Variants in MEIS1 observed in about 807,000 individuals in gnomAD.
The protein encoded by MEIS1 is homeobox protein Meis1.
In MEIS1, 5 loss-of-function variants were observed where a neutral mutation model predicts 50.8. That is an observed-to-expected ratio of 0.10 (90% CI 0.05 to 0.21). MEIS1 has a LOEUF of 0.21. Among genes scored for constraint, MEIS1 ranks in the 10% least tolerant of loss-of-function variants. The pLI is 1.00. For synonymous variants in MEIS1, 176 were observed against 179.3 expected (o/e 0.98, Z 0.15); for missense variants, 318 against 517.3 (o/e 0.61, Z 3.74).
chr2:66,558,279 C>CAAAAAAAAAAAAAAAAAAAAAAACAAAAA (rs1675121641), intron 9 of MEIS1, among the ~76,000 whole-genome samples: 1 of 57,102 alleles, frequency 1.8e-5, no homozygotes, highest in Non-Finnish European at 2.9e-5. Flanking sequence ...AACTCCATCT[C>CAAAAAAAAAAAAAAAAAAAAAAACAAAAA]AAAAAAAAAA....
At chr2:66,537,489 T>C (rs1184050509) in intron 8 of MEIS1, among the ~76,000 whole-genome samples, 1 of 152,224 alleles carries the variant, frequency 6.6e-6, no homozygotes, top group Non-Finnish European at 1.5e-5. Flanking sequence ...TGGGTACCAG[T>C]TCCAGGGGTC....
chr2:66,513,571 A>G, intron 8 of MEIS1, among the ~76,000 whole-genome samples: 1 of 152,194 alleles, frequency 6.6e-6, no homozygotes, highest in African/African-American at 2.4e-5. Flanking sequence ...TGAATAAGAT[A>G]AAAGCTGAGA....
chr2:66,529,630 A>G (rs1674341708), intron 8 of MEIS1, among the ~76,000 whole-genome samples: 2 of 152,152 alleles, frequency 1.3e-5, no homozygotes, highest in Admixed American at 6.5e-5. Flanking sequence ...GGCATTTGGA[A>G]GAGAAGAAGT....
At chr2:66,473,622 A>G (rs1198913246) in intron 7 of MEIS1, among the ~76,000 whole-genome samples, 1 of 152,014 alleles carries the variant, frequency 6.6e-6, no homozygotes, top group East Asian at 1.9e-4. Flanking sequence ...ACTTACTTAC[A>G]TACAAGCATG....
At chr2:66,439,460 G>C (rs961621423) in intron 2 of MEIS1, 3 of 1,365,422 alleles carry the variant, frequency 2.2e-6, no homozygotes, top group Admixed American at 3.3e-5. Context: ...CTCTCCGCCC[G>C]GCGCCTTTCT....
At chr2:66,479,666 T>C (rs569153516) in intron 7 of MEIS1, among the ~76,000 whole-genome samples, 1 of 152,340 alleles carries the variant, frequency 6.6e-6, no homozygotes, top group East Asian at 1.9e-4. Flanking sequence ...TTGGTTAATA[T>C]GATCTCACTA....
At chr2:66,498,828 G>A (rs143714710) in intron 7 of MEIS1, among the ~76,000 whole-genome samples, 160 of 152,236 alleles carry the variant, frequency 1.1e-3, no homozygotes, top group African/African-American at 2.2e-3. Context: ...GTGTGGCCTC[G>A]GCAGTCCCTG....
At chr2:66,509,526 A>G (rs919943208) in intron 7 of MEIS1, among the ~76,000 whole-genome samples, 1 of 152,248 alleles carries the variant, frequency 6.6e-6, no homozygotes, top group Non-Finnish European at 1.5e-5. Context: ...CTAATGATGT[A>G]ATAGAAACCT....
At position 66,544,185 on chromosome 2, in the gene MEIS1, T is replaced by G. The variant is rs117762218; in HGVS notation, c.889-3758T>G. Among the ~76,000 whole-genome samples, 338 of 152,292 alleles carry G rather than the reference T, an allele frequency of 2.2e-3. 7 individuals are homozygous for G. In the East Asian group the frequency reaches 0.059, roughly 26 times the overall value. ...CCATTGCATGGCCTCACTAGACCTGTGGGCAGAAGGCAACAGGGCTTTCAA... is the reference window on the plus strand; with the variant it reads ...CCATTGCATGGCCTCACTAGACCTGGGGGCAGAAGGCAACAGGGCTTTCAA... On this transcript the variant is annotated intron_variant, in intron 8 of 12. Transcript: ENST00000272369.
At position 66,443,053 on chromosome 2, in the gene MEIS1, G is replaced by A; in HGVS notation, c.630+5G>A. The A allele has an allele frequency of 6.4e-7, 1 of 1,570,188 alleles. No individual in the cohort carries two copies. Among genetic ancestry groups the A allele is most frequent in the South Asian group, 1.2e-5 (1 of 80,602 alleles). ...TCAGCAAATCTAACTGACCAGGTAT[G>A]CGCTTTTCAATTTCAACATCCCTGG... On this transcript the variant is annotated splice_donor_5th_base_variant and intron_variant, in intron 6 of 12. Transcript: ENST00000272369.
chr2:66,563,922 G>A (rs1675277008), intron 9 of MEIS1, among the ~76,000 whole-genome samples: 1 of 152,106 alleles, frequency 6.6e-6, no homozygotes, highest in Non-Finnish European at 1.5e-5. Flanking sequence ...GTTTAAGGTC[G>A]AAAAGGTGAT....
intron 7 of MEIS1, among the ~76,000 whole-genome samples, chr2:66,494,415 A>C (rs1257682686): frequency 1.3e-5 from 2 of 152,136 alleles, no homozygotes; most frequent in Non-Finnish European, 2.9e-5. Context: ...CCCACAAACC[A>C]CTGTATTACT....
rs970085564 is a variant in MEIS1, at chr2:66,435,422, G to A, written c.-435G>A. 14 of 275,224 alleles carry A rather than the reference G, an allele frequency of 5.1e-5. No homozygotes were observed. The highest frequency in any genetic ancestry group is 2.1e-4 in the Admixed American group (4 of 19,250). The allele number at this position is 275,224 out of a possible 1,614,324, so 17.0% of individuals were successfully genotyped here. ...AACATTTGAGGTGTTCTGACCAGAA[G>A]AAGACAGAGCGGATGATCATTCATT... On this transcript the variant is annotated 5_prime_UTR_variant, in exon 1 of 13. Coordinates refer to ENST00000272369, the MANE Select transcript of MEIS1 (RefSeq NM_002398.3).
chr2:66,442,156 A>G (rs1672001684), intron 5 of MEIS1, among the ~76,000 whole-genome samples: 1 of 152,082 alleles, frequency 6.6e-6, no homozygotes, highest in African/African-American at 2.4e-5. Context: ...CTAACATTAA[A>G]TTGCAAGCAC....
At chr2:66,516,662 A>T (rs1206027838) in intron 8 of MEIS1, among the ~76,000 whole-genome samples, 1 of 151,760 alleles carries the variant, frequency 6.6e-6, no homozygotes, top group Admixed American at 6.6e-5. Context: ...ATTGTGGATA[A>T]AGCCAATGCG....
At chr2:66,553,110 T>C (rs1335794152) in intron 9 of MEIS1, among the ~76,000 whole-genome samples, 3 of 152,164 alleles carry the variant, frequency 2.0e-5, no homozygotes, top group Non-Finnish European at 4.4e-5. Flanking sequence ...AACTACAAAA[T>C]TAAAGTGTGG....
At chr2:66,482,949 A>G (rs185912484) in intron 7 of MEIS1, among the ~76,000 whole-genome samples, 65 of 152,322 alleles carry the variant, frequency 4.3e-4, no homozygotes, top group African/African-American at 1.5e-3. Context: ...TCAGATTTCT[A>G]CGTGAGATGG....
intron 7 of MEIS1, among the ~76,000 whole-genome samples, chr2:66,511,329 TAA>T (rs1294316423): frequency 6.6e-6 from 1 of 152,128 alleles, no homozygotes; most frequent in Non-Finnish European, 1.5e-5. Flanking sequence ...TTTTCTAGAA[TAA>T]AGAGTGTAAA....
intron 9 of MEIS1, among the ~76,000 whole-genome samples, chr2:66,563,040 T>C (rs1214279380): frequency 6.6e-6 from 1 of 152,202 alleles, no homozygotes; most frequent in Non-Finnish European, 1.5e-5. Context: ...CCAAGGTGTG[T>C]AACTATCTAT....
Sources: allele counts gnomAD v4.1 joint callset (sites outside exome capture counted in the v4.1 genomes callset), GRCh38; gene constraint gnomAD v4.1.1; transcripts MANE v1.5; gene names NCBI Gene and HGNC (gene_info 2026-07-23, HGNC 2026-07-21).